The following NAV3 variants were observed in gnomAD, a reference collection of about 807,000 sequenced individuals.
The protein encoded by NAV3 is pore membrane and/or filament interacting like protein 1.
In NAV3, 87 loss-of-function variants were observed where a neutral mutation model predicts 244.7. The ratio of observed to expected loss-of-function variants is 0.36; its 90% CI spans 0.30 to 0.42. The LOEUF (loss-of-function observed/expected upper bound fraction) is 0.42. Among genes scored for constraint, NAV3 ranks in the 20% least tolerant of loss-of-function variants. NAV3 has a pLI of 1.00. For missense variants in NAV3, 2,663 were observed against 2,893.3 expected (o/e 0.92, Z 1.83); for synonymous variants, 1,126 against 1,042.2 (o/e 1.08, Z -1.55).
At chr12:77,652,929 T>C (rs1225780936) in intron 2 of NAV3, among the ~76,000 whole-genome samples, 1 of 152,230 alleles carries the variant, frequency 6.6e-6, no homozygotes, top group East Asian at 1.9e-4. Flanking sequence ...GAGTTATTGA[T>C]TTTATACAGG....
At chr12:77,621,592 G>T (rs534298367) in intron 2 of NAV3, among the ~76,000 whole-genome samples, 2 of 149,356 alleles carry the variant, frequency 1.3e-5, no homozygotes, top group South Asian at 2.1e-4. Flanking sequence ...CGATTCTCCT[G>T]CCTCAGCCTC....
chr12:77,867,915 G>A (rs889462186), intron 1 of NAV3, among the ~76,000 whole-genome samples: 1 of 152,204 alleles, frequency 6.6e-6, no homozygotes, highest in Non-Finnish European at 1.5e-5. Flanking sequence ...GGCCCCTCAA[G>A]TATGGACAAA....
intron 13 of NAV3, among the ~76,000 whole-genome samples, 197 bp downstream of exon 13, chr12:78,117,101 A>C (rs1301840152): frequency 7.0e-6 from 1 of 142,258 alleles, no homozygotes; most frequent in Non-Finnish European, 1.5e-5. Context: ...CTAAAGCCAC[A>C]ACCCTTAGGA....
At chr12:78,032,536 C>T (rs1879178138) in intron 9 of NAV3, among the ~76,000 whole-genome samples, 1 of 152,088 alleles carries the variant, frequency 6.6e-6, no homozygotes, top group Admixed American at 6.6e-5. Flanking sequence ...TTTGCTTTTG[C>T]TTATTATGTT....
intron 1 of NAV3, among the ~76,000 whole-genome samples, chr12:77,899,523 T>C (rs542216798): frequency 6.6e-6 from 1 of 152,338 alleles, no homozygotes; most frequent in South Asian, 2.1e-4. Context: ...GTATTTGTAA[T>C]TAAGGTATGC....
At chr12:78,204,694 C>T (rs943206058) in intron 38 of NAV3, among the ~76,000 whole-genome samples, 1 of 152,010 alleles carries the variant, frequency 6.6e-6, no homozygotes, top group Non-Finnish European at 1.5e-5. Context: ...CGTATATTCT[C>T]CCCCAAAAGT....
chr12:78,127,149 T>TTTTC lies in NAV3; in HGVS notation c.4239-14_4239-11dup, dbSNP rs1955945473. 6.2e-7 allele frequency: 1 copy of TTTTC among 1,613,090 alleles called. No homozygotes were observed. The highest frequency in any genetic ancestry group is 8.5e-7 in the Non-Finnish European group (1 of 1,179,410). The stretch of plus-strand genomic sequence containing the variant: ...TTTGTTTACATTATGTCCTTAGGGG[T>TTTTC]TTTCTTTGTTTTAACAGCATGCAGC... On this transcript the variant is annotated splice_polypyrimidine_tract_variant and intron_variant, in intron 16 of 39. Transcript: ENST00000397909.
intron 29 of NAV3, among the ~76,000 whole-genome samples, chr12:78,180,460 G>T (rs1399025772): frequency 6.6e-6 from 1 of 151,848 alleles, no homozygotes; most frequent in Non-Finnish European, 1.5e-5. Flanking sequence ...TTTTTGTTTT[G>T]CTCTGTCTTT....
intron 2 of NAV3, among the ~76,000 whole-genome samples, chr12:77,655,964 A>G (rs1305375532): frequency 1.4e-5 from 2 of 143,876 alleles, no homozygotes; most frequent in Non-Finnish European, 3.0e-5. Flanking sequence ...GAAGCACTGA[A>G]CATGGAAAGG....
At chr12:77,794,023 G>A (rs568395282) in intron 2 of NAV3, among the ~76,000 whole-genome samples, 1 of 152,198 alleles carries the variant, frequency 6.6e-6, no homozygotes, top group Admixed American at 6.5e-5. Flanking sequence ...TTTCCAACTG[G>A]CATGAGATGG....
chr12:77,586,318 A>G (rs571398949), intron 2 of NAV3, among the ~76,000 whole-genome samples: 145 of 152,220 alleles, frequency 9.5e-4, no homozygotes, highest in Non-Finnish European at 1.6e-3. Flanking sequence ...TTTCCCAGAT[A>G]AGAAAATGAA....
chr12:78,199,495 T>G lies in NAV3; in HGVS notation c.6679T>G (p.Phe2227Val). ...GAAGACGTGGCATCATCTCAACAGT[T>G]TTTTGGAAACACACAGTTCTTCTGA... ...IPKTWHHLNS[F>V]LETHSSSDVT... Residue 2227 changes from phenylalanine (F) to valine (V), a missense_variant, in exon 37 of 40, where the codon TTT becomes GTT. By Grantham distance (50) the Phe-to-Val change is conservative. This residue lies in a region of NAV3 where 543 missense variants were observed against 672.4 expected (regional missense o/e 0.81). Transcript: ENST00000397909. 2 of 1,602,102 alleles carry G rather than the reference T, an allele frequency of 1.2e-6. No individual in the cohort carries two copies.
chr12:77,681,127 G>A (rs895822389), intron 2 of NAV3, among the ~76,000 whole-genome samples: 1 of 152,090 alleles, frequency 6.6e-6, no homozygotes, highest in East Asian at 1.9e-4. Context: ...TCACTTCTCC[G>A]ATAAGCTCTT....
chr12:77,982,472 A>C (rs777455329), intron 5 of NAV3, among the ~76,000 whole-genome samples: 29 of 152,204 alleles, frequency 1.9e-4, no homozygotes, highest in Non-Finnish European at 1.5e-4. Context: ...ACAAAGCACA[A>C]GTTGCTCAGT....
At chr12:77,626,533 C>A (rs902237449) in intron 2 of NAV3, among the ~76,000 whole-genome samples, 1 of 152,016 alleles carries the variant, frequency 6.6e-6, no homozygotes, top group African/African-American at 2.4e-5. Context: ...AGGGAGAATT[C>A]TAAAAACAGC....
At chr12:77,745,679 A>G (rs1242608542) in intron 2 of NAV3, among the ~76,000 whole-genome samples, 1 of 151,992 alleles carries the variant, frequency 6.6e-6, no homozygotes. Context: ...CTTGGGGTCA[A>G]TTGTGGTGAA....
intron 2 of NAV3, among the ~76,000 whole-genome samples, chr12:77,711,998 G>A (rs1876141213): frequency 6.6e-6 from 1 of 152,092 alleles, no homozygotes; most frequent in Admixed American, 6.6e-5. Context: ...TTCATAAAAA[G>A]CTTAGCTCTT....
At chr12:77,712,942 A>G (rs1289896639) in intron 2 of NAV3, among the ~76,000 whole-genome samples, 1 of 152,158 alleles carries the variant, frequency 6.6e-6, no homozygotes, top group African/African-American at 2.4e-5. Context: ...CAAGTGACTC[A>G]GTTCTTTGTG....
chr12:77,966,551 A>C (rs910408705), intron 4 of NAV3, among the ~76,000 whole-genome samples: 1 of 152,084 alleles, frequency 6.6e-6, no homozygotes, highest in East Asian at 1.9e-4. Context: ...GTGAATCAAA[A>C]AAATATCTTT....
Sources: allele counts gnomAD v4.1 joint callset (sites outside exome capture counted in the v4.1 genomes callset), GRCh38; gene constraint gnomAD v4.1.1; regional missense constraint gnomAD v4.1.1; transcripts MANE v1.5; gene names NCBI Gene and HGNC (gene_info 2026-07-23, HGNC 2026-07-21).